DNAH14: variants seen among roughly 807,000 people sequenced by gnomAD.
DNAH14 encodes dynein axonemal heavy chain 14.
Under a neutral mutation model 520.9 loss-of-function variants are expected in DNAH14, and 478 were observed. The ratio of observed to expected loss-of-function variants is 0.92; its 90% CI spans 0.85 to 0.99. The LOEUF is 0.99. Among genes scored for constraint, DNAH14 ranks in the 50% least tolerant of loss-of-function variants. DNAH14 has a pLI of 0.00. For synonymous variants in DNAH14, 1,581 were observed against 1,757.2 expected (o/e 0.90, Z 2.51); for missense variants, 4,831 against 5,234.5 (o/e 0.92, Z 2.38).
intron 73 of DNAH14, among the ~76,000 whole-genome samples, chr1:225,355,297 A>G (rs2095417987): frequency 6.6e-6 from 1 of 151,468 alleles, no homozygotes; most frequent in Non-Finnish European, 1.5e-5. Flanking sequence ...ATTAGGTCTC[A>G]CTCGTCTCAC....
At chr1:224,935,442 A>G (rs930729452) in intron 1 of DNAH14, among the ~76,000 whole-genome samples, 1 of 151,938 alleles carries the variant, frequency 6.6e-6, no homozygotes, top group African/African-American at 2.4e-5. Flanking sequence ...AGCCATACTT[A>G]GATAAAACAG....
intron 68 of DNAH14, among the ~76,000 whole-genome samples, chr1:225,339,141 CAAAAAAA>C (rs5781399): frequency 0.39 from 51,513 of 131,612 alleles, 9,852 homozygotes; most frequent in Middle Eastern, 0.51. Context: ...CAATGAAATA[CAAAAAAA>C]AAAAAAAAAA....
chr1:225,013,156 A>AT (rs35794855), intron 10 of DNAH14, among the ~76,000 whole-genome samples: 6,420 of 146,920 alleles, frequency 0.044, 179 homozygotes, highest in Non-Finnish European at 0.062. Context: ...TTGCATGGTC[A>AT]TTTTTTTTTT....
chr1:225,335,423 G>A (rs111205885), intron 66 of DNAH14, among the ~76,000 whole-genome samples: 29,732 of 62,474 alleles, frequency 0.48, 9,605 homozygotes, highest in East Asian at 0.67. Flanking sequence ...ATGCACATAT[G>A]CACGTGTGTA....
At chr1:225,128,515 C>T (rs3958525) in intron 27 of DNAH14, among the ~76,000 whole-genome samples, 12,019 of 151,602 alleles carry the variant, frequency 0.079, 1,549 homozygotes, top group African/African-American at 0.27. Context: ...GTTCAATATA[C>T]GCAAATCAAT....
intron 12 of DNAH14, among the ~76,000 whole-genome samples, chr1:225,042,534 T>C (rs751090037): frequency 1.6e-4 from 24 of 152,172 alleles, no homozygotes; most frequent in Non-Finnish European, 3.1e-4. Context: ...TAACTCAATA[T>C]CTCTGGGGAT....
intron 72 of DNAH14, among the ~76,000 whole-genome samples, chr1:225,353,547 A>G (rs558515457): frequency 2.2e-4 from 34 of 152,140 alleles, no homozygotes; most frequent in Non-Finnish European, 4.4e-4. Flanking sequence ...TCATCTTGTT[A>G]TATTACTATT....
chr1:225,017,529 C>A (rs1162680873), intron 10 of DNAH14, among the ~76,000 whole-genome samples: 1 of 152,180 alleles, frequency 6.6e-6, no homozygotes, highest in East Asian at 1.9e-4. Flanking sequence ...TACCAGAGTA[C>A]TTCCCACCTG....
intron 38 of DNAH14, among the ~76,000 whole-genome samples, chr1:225,199,798 G>C (rs1419480106): frequency 6.6e-6 from 1 of 152,148 alleles, no homozygotes; most frequent in East Asian, 1.9e-4. Context: ...CTGATGAATA[G>C]AATGTATATT....
intron 19 of DNAH14, among the ~76,000 whole-genome samples, chr1:225,082,235 A>C (rs1387544490): frequency 7.0e-6 from 1 of 142,408 alleles, no homozygotes; most frequent in East Asian, 2.1e-4. Flanking sequence ...TATATTTATC[A>C]TGTCAGTGAA....
At chr1:225,042,761 G>A in intron 12 of DNAH14, 74 bp from the exon 13 acceptor site, 1 of 1,439,208 alleles carries the variant, frequency 6.9e-7, no homozygotes, top group Non-Finnish European at 9.2e-7. Flanking sequence ...TTAAAATTTT[G>A]GTCTGTATTC....
chr1:225,248,602 C>T (rs954366356), intron 43 of DNAH14, among the ~76,000 whole-genome samples: 1 of 151,984 alleles, frequency 6.6e-6, no homozygotes, highest in African/African-American at 2.4e-5. Context: ...AGAGTATATA[C>T]CCAGGTCAGT....
At chr1:225,092,250 A>G (rs2074463522) in intron 21 of DNAH14, among the ~76,000 whole-genome samples, 1 of 151,932 alleles carries the variant, frequency 6.6e-6, no homozygotes, top group Admixed American at 6.6e-5. Flanking sequence ...TTTTCACCCC[A>G]AAACAACAGA....
intron 1 of DNAH14, among the ~76,000 whole-genome samples, chr1:224,949,735 G>A (rs1000674566): frequency 2.6e-4 from 40 of 151,976 alleles, no homozygotes; most frequent in African/African-American, 8.9e-4. Flanking sequence ...ACTTTGGAAG[G>A]TTCATGCATT....
chr1:225,082,489 T>G lies in DNAH14; in HGVS notation c.3137-60T>G, dbSNP rs1368878211. Reference sequence around the variant, plus strand: ...AGAAAAAAATCTTATTTTCTCAATTTTTTTGGTTAAAAAATATAATGAACA... The same window carrying G: ...AGAAAAAAATCTTATTTTCTCAATTGTTTTGGTTAAAAAATATAATGAACA... On this transcript the variant is annotated intron_variant, in intron 19 of 85. Coordinates refer to ENST00000682510, the MANE Select transcript of DNAH14 (RefSeq NM_001367479.1). The G allele has an allele frequency of 8.6e-6, 11 of 1,278,876 alleles. No homozygotes were observed. The Admixed American group carries it at 2.7e-4, about 31-fold the overall frequency. 79.2% of individuals were successfully genotyped at this position (1,278,876 alleles called of 1,614,324 possible). A position where few individuals can be genotyped will look rare whatever the true frequency, so the allele number is the denominator to read the frequency against.
At chr1:224,996,669 G>T (rs905925676) in intron 8 of DNAH14, among the ~76,000 whole-genome samples, 1 of 152,144 alleles carries the variant, frequency 6.6e-6, no homozygotes, top group African/African-American at 2.4e-5. Context: ...AAGCAGAACT[G>T]CTGGGTGGAC....
chr1:225,086,423 C>T (rs535138294), intron 21 of DNAH14, among the ~76,000 whole-genome samples: 105 of 152,072 alleles, frequency 6.9e-4, no homozygotes, highest in Admixed American at 1.6e-3. Context: ...CATGAGCCAC[C>T]GTGCCCGACC....
chr1:225,052,430 A>G (rs2068626824), intron 17 of DNAH14, among the ~76,000 whole-genome samples: 1 of 152,160 alleles, frequency 6.6e-6, no homozygotes, highest in Non-Finnish European at 1.5e-5. Flanking sequence ...CCACACAAGC[A>G]CCCTCAGTTG....
chr1:225,346,526 A>C lies in DNAH14; in HGVS notation c.11168A>C (p.Gln3723Pro). Residue 3723 changes from glutamine (Q) to proline (P), a missense_variant, in exon 71 of 86, where the codon CAA becomes CCA. Gln to Pro is a moderately conservative substitution (Grantham distance 76). Transcript: ENST00000682510. ...FSFRLCTVIM[Q>P]NNANGNLIQD... ...TTTCGGCTTTGCACTGTAATCATGC[A>C]AAACAATGCTAATGGAAATCTAATA... The C allele has an allele frequency of 6.4e-7, 1 of 1,551,398 alleles. No individual in the cohort carries two copies. Among genetic ancestry groups the C allele is most frequent in the Non-Finnish European group, 8.7e-7 (1 of 1,146,842 alleles).
Sources: allele counts gnomAD v4.1 joint callset (sites outside exome capture counted in the v4.1 genomes callset), GRCh38; gene constraint gnomAD v4.1.1; transcripts MANE v1.5; gene names NCBI Gene and HGNC (gene_info 2026-07-23, HGNC 2026-07-21).